FSTL5: variants seen among roughly 807,000 people sequenced by gnomAD.
The protein encoded by FSTL5 is follistatin like 5, also known as follistatin-related protein 5.
In FSTL5, 62 loss-of-function variants were observed where a neutral mutation model predicts 89.1. That is an observed-to-expected ratio of 0.70 (90% CI 0.57 to 0.86). FSTL5 has a LOEUF of 0.86. FSTL5 is among the 40% of genes least tolerant of loss of function. FSTL5 has a pLI of 0.00. For synonymous variants in FSTL5, 383 were observed against 346.2 expected (o/e 1.11, Z -1.18); for missense variants, 1,057 against 1,001.6 (o/e 1.06, Z -0.75).
chr4:161,647,400 A>T (rs773822658), intron 7 of FSTL5, among the ~76,000 whole-genome samples: 1 of 152,112 alleles, frequency 6.6e-6, no homozygotes, highest in Non-Finnish European at 1.5e-5. Context: ...GCTTAGTAGT[A>T]AGTTTTGAAA....
At chr4:161,421,217 T>C (rs1731980308) in intron 15 of FSTL5, among the ~76,000 whole-genome samples, 1 of 152,004 alleles carries the variant, frequency 6.6e-6, no homozygotes, top group South Asian at 2.1e-4. Flanking sequence ...GGTGTGCACC[T>C]GTAGTCCCAG....
chr4:161,825,191 C>T (rs1730629055), intron 4 of FSTL5, among the ~76,000 whole-genome samples: 1 of 152,078 alleles, frequency 6.6e-6, no homozygotes, highest in Non-Finnish European at 1.5e-5. Flanking sequence ...TGGCGTATCA[C>T]ATTTATTGAT....
At chr4:162,024,874 G>A (rs932567106) in intron 3 of FSTL5, among the ~76,000 whole-genome samples, 2 of 151,830 alleles carry the variant, frequency 1.3e-5, no homozygotes, top group African/African-American at 4.8e-5. Flanking sequence ...TCAGGCTGGT[G>A]TTGAACTCCT....
chr4:161,679,126 A>G lies in FSTL5; in HGVS notation c.728-22632T>C, dbSNP rs543796721. Among the ~76,000 whole-genome samples the G allele has an allele frequency of 3.3e-5, 5 of 151,858 alleles. No homozygotes were observed. The East Asian group carries it at 9.7e-4, about 29-fold the overall frequency. The stretch of plus-strand genomic sequence containing the variant: ...CTTAAGTAATTTTTCAAGATTGTAA[A>G]ATTATAAAGAGGAGATCATGGATGA... On this transcript the variant is annotated intron_variant, in intron 6 of 15. Coordinates refer to ENST00000306100, the MANE Select transcript of FSTL5 (RefSeq NM_020116.5).
chr4:161,474,728 G>A (rs1190082012), intron 13 of FSTL5, among the ~76,000 whole-genome samples: 1 of 151,902 alleles, frequency 6.6e-6, no homozygotes, highest in Non-Finnish European at 1.5e-5. Flanking sequence ...CGTATTTTTG[G>A]TAGAGATGGG....
At chr4:161,927,419 AG>A (rs1734157694) in intron 3 of FSTL5, among the ~76,000 whole-genome samples, 2 of 151,858 alleles carry the variant, frequency 1.3e-5, no homozygotes, top group South Asian at 4.1e-4. Flanking sequence ...GTGAAGGTCA[AG>A]CATTGTAATA....
intron 6 of FSTL5, among the ~76,000 whole-genome samples, chr4:161,665,683 G>C (rs1444446744): frequency 1.3e-5 from 2 of 151,948 alleles, no homozygotes; most frequent in Non-Finnish European, 2.9e-5. Context: ...AATAAAAACT[G>C]ATCTTAGAAT....
At chr4:161,496,787 AAGATAG>A (rs70937658) in intron 12 of FSTL5, among the ~76,000 whole-genome samples, 4,036 of 143,796 alleles carry the variant, frequency 0.028, 147 homozygotes, top group African/African-American at 0.087. Flanking sequence ...GATAGAGAAA[AAGATAG>A]AGATAGAGAT....
At chr4:161,630,977 C>T (rs1735484739) in intron 7 of FSTL5, among the ~76,000 whole-genome samples, 2 of 152,262 alleles carry the variant, frequency 1.3e-5, no homozygotes, top group Non-Finnish European at 2.9e-5. Context: ...CCAATATTCT[C>T]ATAATGTAAT....
chr4:161,828,961 C>G (rs1730752810), intron 4 of FSTL5, among the ~76,000 whole-genome samples: 1 of 151,530 alleles, frequency 6.6e-6, no homozygotes, highest in South Asian at 2.1e-4. Context: ...GGTAGTAGAG[C>G]AAAACATGGA....
At chr4:161,576,208 T>C (rs1578938897) in intron 8 of FSTL5, among the ~76,000 whole-genome samples, 1 of 152,108 alleles carries the variant, frequency 6.6e-6, no homozygotes, top group Non-Finnish European at 1.5e-5. Context: ...TGCTCATAGA[T>C]AGGAAGAATC....
At chr4:161,983,013 A>T (rs1735868212) in intron 3 of FSTL5, among the ~76,000 whole-genome samples, 1 of 152,218 alleles carries the variant, frequency 6.6e-6, no homozygotes, top group Admixed American at 6.5e-5. Context: ...AAATCTTCAA[A>T]AAAATGAAGT....
At chr4:161,681,113 G>T (rs1400686646) in intron 6 of FSTL5, among the ~76,000 whole-genome samples, 4 of 152,002 alleles carry the variant, frequency 2.6e-5, no homozygotes, top group Non-Finnish European at 5.9e-5. Flanking sequence ...TGGGTCATGT[G>T]AATTCAGAAA....
At chr4:162,019,965 TAA>T (rs989232490) in intron 3 of FSTL5, among the ~76,000 whole-genome samples, 2 of 150,202 alleles carry the variant, frequency 1.3e-5, no homozygotes, top group African/African-American at 4.9e-5. Context: ...TATATATATA[TAA>T]GACAGATATT....
intron 3 of FSTL5, among the ~76,000 whole-genome samples, chr4:161,965,967 T>G (rs1353884233): frequency 6.6e-6 from 1 of 152,122 alleles, no homozygotes; most frequent in African/African-American, 2.4e-5. Context: ...ATAGATGATA[T>G]TTAAAACAGC....
chr4:161,773,159 T>C (rs926302635), intron 5 of FSTL5, among the ~76,000 whole-genome samples: 5 of 152,160 alleles, frequency 3.3e-5, no homozygotes, highest in African/African-American at 1.2e-4. Context: ...AGAATGAAAC[T>C]GGATCCTCAT....
chr4:161,466,900 T>C (rs1185235463), intron 13 of FSTL5, among the ~76,000 whole-genome samples: 1 of 152,074 alleles, frequency 6.6e-6, no homozygotes, highest in African/African-American at 2.4e-5. Flanking sequence ...TATATTGTCA[T>C]AAAATATTTC....
At position 161,385,816 on chromosome 4, in the gene FSTL5, G is replaced by A; in HGVS notation, c.2475C>T (p.Leu825=). The change falls in exon 16 of 16, where the codon CTC becomes CTT. Residue 825 remains leucine, a synonymous_variant. Coordinates refer to ENST00000306100, the MANE Select transcript of FSTL5 (RefSeq NM_020116.5). ...CAGTGATCTCACAGTTTAATTTATT[G>A]AGTCGTCCATCTAGGATGAAGAGAG... ...KDSLFILDGR[L]NKLNCEITEV... is the part of the protein sequence containing the mutation. 6.2e-7 allele frequency: 1 copy of A among 1,612,384 alleles called. No homozygotes were observed. Among genetic ancestry groups the A allele is most frequent in the Non-Finnish European group, 8.5e-7 (1 of 1,179,522 alleles).
At chr4:161,397,435 G>A (rs1219747002) in intron 15 of FSTL5, among the ~76,000 whole-genome samples, 2 of 151,564 alleles carry the variant, frequency 1.3e-5, no homozygotes, top group Non-Finnish European at 2.9e-5. Flanking sequence ...TATCAGTAGG[G>A]AAAATATAGG....
Sources: allele counts gnomAD v4.1 joint callset (sites outside exome capture counted in the v4.1 genomes callset), GRCh38; gene constraint gnomAD v4.1.1; transcripts MANE v1.5; gene names NCBI Gene and HGNC (gene_info 2026-07-23, HGNC 2026-07-21).